Variants in ANKS1B observed in about 807,000 individuals in gnomAD.
ANKS1B encodes ankyrin repeat and sterile alpha motif domain containing 1B, also known as ankyrin repeat and sterile alpha motif domain-containing protein 1B.
In ANKS1B, 36 loss-of-function variants were observed where a neutral mutation model predicts 148.3. The ratio of observed to expected loss-of-function variants is 0.24; its 90% CI spans 0.19 to 0.32. ANKS1B has a LOEUF of 0.32. Among genes scored for constraint, ANKS1B ranks in the 10% least tolerant of loss-of-function variants. The pLI, the probability that ANKS1B is intolerant of heterozygous loss-of-function variation, is 1.00. For synonymous variants in ANKS1B, 542 were observed against 560.8 expected, an observed-to-expected ratio of 0.97 and a Z score of 0.47; for missense variants, 1,157 against 1,542.6, an observed-to-expected ratio of 0.75 and a Z score of 4.19.
intron 12 of ANKS1B, among the ~76,000 whole-genome samples, chr12:99,348,926 T>C (rs757745776): frequency 1.3e-5 from 2 of 151,948 alleles, no homozygotes; most frequent in Non-Finnish European, 2.9e-5. Context: ...AGTTTGTAAC[T>C]CCTCTTCTTT....
intron 25 of ANKS1B, among the ~76,000 whole-genome samples, chr12:98,753,109 G>A (rs2098135814): frequency 1.3e-5 from 2 of 152,198 alleles, no homozygotes; most frequent in Non-Finnish European, 2.9e-5. Flanking sequence ...ATTCTGTCAG[G>A]CTAGATGCCA....
intron 8 of ANKS1B, among the ~76,000 whole-genome samples, chr12:99,719,147 AGC>A (rs2057786619): frequency 6.6e-6 from 1 of 152,206 alleles, no homozygotes; most frequent in Non-Finnish European, 1.5e-5. Context: ...GTCTGCGTGC[AGC>A]GGCTGCCGCT....
chr12:99,193,640 T>G (rs1387143775), intron 14 of ANKS1B, among the ~76,000 whole-genome samples: 1 of 152,060 alleles, frequency 6.6e-6, no homozygotes, highest in East Asian at 1.9e-4. Flanking sequence ...TTGTGATGGG[T>G]GAGGAAAAGA....
chr12:98,965,526 G>GAGCAGCATTT, intron 17 of ANKS1B, among the ~76,000 whole-genome samples: 1 of 152,214 alleles, frequency 6.6e-6, no homozygotes, highest in Non-Finnish European at 1.5e-5. Context: ...AATCTAGTCT[G>GAGCAGCATTT]AGCAGCATTT....
At chr12:99,276,480 G>A (rs1177362964) in intron 12 of ANKS1B, among the ~76,000 whole-genome samples, 2 of 152,182 alleles carry the variant, frequency 1.3e-5, no homozygotes, top group African/African-American at 2.4e-5. Context: ...CACTTGAGAT[G>A]TGTTTACACA....
At chr12:99,395,302 GA>G in intron 12 of ANKS1B, among the ~76,000 whole-genome samples, 1 of 152,240 alleles carries the variant, frequency 6.6e-6, no homozygotes, top group Middle Eastern at 3.4e-3. Context: ...TAGGCTCTAA[GA>G]AAAATCACTC....
At chr12:99,440,631 G>T (rs1244328739) in intron 11 of ANKS1B, among the ~76,000 whole-genome samples, 3 of 151,802 alleles carry the variant, frequency 2.0e-5, no homozygotes. Flanking sequence ...ACTAACAGCT[G>T]TGACTTAGTT....
At chr12:99,048,458 T>C (rs1342814734) in intron 17 of ANKS1B, among the ~76,000 whole-genome samples, 1 of 152,236 alleles carries the variant, frequency 6.6e-6, no homozygotes, top group Non-Finnish European at 1.5e-5. Context: ...TGTTCTGTAA[T>C]ATTGGCCCAG....
chr12:99,632,750 TA>T (rs1341114692), intron 9 of ANKS1B, among the ~76,000 whole-genome samples: 1,991 of 112,380 alleles, frequency 0.018, 193 homozygotes, highest in African/African-American at 0.039. Context: ...TATATATATA[TA>T]TATATATATA....
chr12:99,206,665 T>C (rs1240580530), intron 14 of ANKS1B, among the ~76,000 whole-genome samples: 2 of 152,152 alleles, frequency 1.3e-5, no homozygotes, highest in African/African-American at 4.8e-5. Flanking sequence ...GGTTTGCTTC[T>C]TTTTTAGAGC....
At chr12:99,386,489 G>GA (rs1003459861) in intron 12 of ANKS1B, among the ~76,000 whole-genome samples, 17 of 146,158 alleles carry the variant, frequency 1.2e-4, no homozygotes, top group Non-Finnish European at 1.4e-4. Context: ...TTATGGGAAA[G>GA]AAAAAAAAAA....
chr12:99,608,282 C>T (rs2097866333), intron 9 of ANKS1B, among the ~76,000 whole-genome samples: 1 of 152,030 alleles, frequency 6.6e-6, no homozygotes, highest in South Asian at 2.1e-4. Flanking sequence ...GTGCGCAAAC[C>T]ATGCACACCA....
At chr12:99,384,909 C>A (rs1346634033) in intron 12 of ANKS1B, among the ~76,000 whole-genome samples, 1 of 152,048 alleles carries the variant, frequency 6.6e-6, no homozygotes, top group South Asian at 2.1e-4. Context: ...TGGATATTAA[C>A]ATTTTATAAG....
intron 17 of ANKS1B, among the ~76,000 whole-genome samples, chr12:98,956,739 T>C (rs1382442227): frequency 1.3e-5 from 2 of 152,166 alleles, no homozygotes; most frequent in African/African-American, 4.8e-5. Context: ...CCTACTTACT[T>C]ACAGTCGTCA....
chr12:99,907,575 A>G (rs2093831280), intron 1 of ANKS1B, among the ~76,000 whole-genome samples: 1 of 152,194 alleles, frequency 6.6e-6, no homozygotes. Context: ...CTCTGTAAAT[A>G]GAACTTGATA....
Position 99,974,640 on chromosome 12 carries a change from G to A in ANKS1B, c.134+9464C>T, listed in dbSNP as rs542534576. On this transcript the variant is annotated intron_variant, in intron 1 of 26. Transcript: ENST00000683438. Reference sequence around the variant, plus strand: ...TAATCCCAGAACTTTGGGAGGCCAAGTCAGGAGGATGGCTTGATCCCAGGA... The same window carrying A: ...TAATCCCAGAACTTTGGGAGGCCAAATCAGGAGGATGGCTTGATCCCAGGA... Among the ~76,000 whole-genome samples the A allele has an allele frequency of 2.0e-4, 30 of 152,210 alleles. No homozygotes were observed. The South Asian group carries it at 2.1e-3, about 11-fold the overall frequency.
intron 25 of ANKS1B, among the ~76,000 whole-genome samples, chr12:98,760,883 C>A (rs1195430526): frequency 1.3e-5 from 2 of 152,176 alleles, no homozygotes; most frequent in Admixed American, 6.5e-5. Context: ...GATCTCTGCA[C>A]GAAGTCAAAC....
intron 1 of ANKS1B, among the ~76,000 whole-genome samples, chr12:99,848,664 T>A (rs2087139236): frequency 6.6e-6 from 1 of 151,992 alleles, no homozygotes; most frequent in African/African-American, 2.4e-5. Context: ...AAGAAATGAA[T>A]CTCAACCCAT....
chr12:99,891,067 A>G (rs2093077158), intron 1 of ANKS1B, among the ~76,000 whole-genome samples: 1 of 152,244 alleles, frequency 6.6e-6, no homozygotes, highest in Non-Finnish European at 1.5e-5. Context: ...GACTCCTTTA[A>G]AGAAGCATAA....
Sources: allele counts gnomAD v4.1 joint callset (sites outside exome capture counted in the v4.1 genomes callset), GRCh38; gene constraint gnomAD v4.1.1; transcripts MANE v1.5; gene names NCBI Gene and HGNC (gene_info 2026-07-23, HGNC 2026-07-21).